Variants in SLC9A2 observed in about 807,000 individuals in gnomAD.
SLC9A2 encodes solute carrier family 9 member A2, also known as sodium/hydrogen exchanger 2.
Under a neutral mutation model 71.7 loss-of-function variants are expected in SLC9A2, and 42 were observed. That is an observed-to-expected ratio of 0.59 (90% confidence interval 0.46 to 0.76). The LOEUF (loss-of-function observed/expected upper bound fraction) is 0.76. SLC9A2 is among the 30% of genes least tolerant of loss of function. SLC9A2 has a pLI of 0.00. For missense variants in SLC9A2, 829 were observed against 1,017.4 expected, an observed-to-expected ratio of 0.81 and a Z score of 2.52; for synonymous variants, 396 against 392.5, an observed-to-expected ratio of 1.01 and a Z score of -0.10.
At chr2:102,638,308 G>A (rs1676509614) in intron 1 of SLC9A2, among the ~76,000 whole-genome samples, 1 of 152,218 alleles carries the variant, frequency 6.6e-6, no homozygotes, top group South Asian at 2.1e-4. Flanking sequence ...ATGTTTTATA[G>A]TCAAGTTAAC....
chr2:102,708,687 T>C lies in SLC9A2; in HGVS notation c.*198T>C. On this transcript the variant is annotated 3_prime_UTR_variant, in exon 12 of 12. Coordinates refer to ENST00000233969, the MANE Select transcript of SLC9A2 (RefSeq NM_003048.6). ...TCGAATAAAAAATAGTCCCACAAAATACCTTTTGTGACTAATGGGTAGCAA... is the reference window on the plus strand; with the variant it reads ...TCGAATAAAAAATAGTCCCACAAAACACCTTTTGTGACTAATGGGTAGCAA... The C allele has an allele frequency of 1.7e-6, 1 of 582,502 alleles. No homozygotes were observed. Among genetic ancestry groups the C allele is most frequent in the Non-Finnish European group, 2.9e-6 (1 of 345,656 alleles). 36.1% of individuals were successfully genotyped at this position (582,502 alleles called of 1,614,324 possible). A position where few individuals can be genotyped will look rare whatever the true frequency, so the allele number is the denominator to read the frequency against.
intron 1 of SLC9A2, among the ~76,000 whole-genome samples, chr2:102,623,266 G>A (rs1009169823): frequency 2.6e-5 from 4 of 152,170 alleles, no homozygotes; most frequent in Non-Finnish European, 4.4e-5. Flanking sequence ...CATGCAGAGA[G>A]TGGTCTGAAC....
chr2:102,694,581 T>G (rs1438990095), intron 6 of SLC9A2, 78 bp downstream of exon 6: 12 of 641,158 alleles, frequency 1.9e-5, no homozygotes, highest in Non-Finnish European at 3.1e-5. Flanking sequence ...GGTACCACGT[T>G]GTCCATTTCC....
intron 11 of SLC9A2, 104 bp downstream of exon 11, chr2:102,706,040 C>CCTGTTGTGGGGT (rs1479876800): frequency 0.013 from 526 of 42,030 alleles, 87 homozygotes; most frequent in Middle Eastern, 0.019. Flanking sequence ...TGAGTTCCGG[C>CCTGTTGTGGGGT]CGGGCGCGGT....
intron 10 of SLC9A2, among the ~76,000 whole-genome samples, chr2:102,704,947 G>A (rs1011519518): frequency 6.6e-6 from 1 of 152,248 alleles, no homozygotes; most frequent in East Asian, 1.9e-4. Flanking sequence ...GTAAATGCCA[G>A]CACTTTGGGA....
chr2:102,708,641 C>A lies in SLC9A2; in HGVS notation c.*152C>A. ...AGATTCATGCCACGGATAAATGAGG[C>A]AAATCCGAAGAAAAGGAAAATCGAA... On this transcript the variant is annotated 3_prime_UTR_variant, in exon 12 of 12. Coordinates refer to ENST00000233969, the MANE Select transcript of SLC9A2 (RefSeq NM_003048.6). 3.5e-6 allele frequency: 3 copies of A among 860,210 alleles called. No individual in the cohort carries two copies. Among genetic ancestry groups the A allele is most frequent in the Non-Finnish European group, 5.2e-6 (3 of 573,732 alleles). 53.3% of individuals were successfully genotyped at this position (860,210 alleles called of 1,614,324 possible). A position where few individuals can be genotyped will look rare whatever the true frequency, so the allele number is the denominator to read the frequency against.
At chr2:102,644,989 G>A (rs1676689630) in intron 1 of SLC9A2, among the ~76,000 whole-genome samples, 1 of 152,176 alleles carries the variant, frequency 6.6e-6, no homozygotes, top group South Asian at 2.1e-4. Context: ...CCTGACCCCC[G>A]TGGCTCCTGA....
chr2:102,620,520 G>T (rs533838413), intron 1 of SLC9A2, among the ~76,000 whole-genome samples: 1 of 152,306 alleles, frequency 6.6e-6, no homozygotes, highest in Non-Finnish European at 1.5e-5. Context: ...GCATAATGTG[G>T]TTAAAACCCT....
At chr2:102,658,145 C>A in intron 2 of SLC9A2, 118 bp downstream of exon 2, 1 of 705,822 alleles carries the variant, frequency 1.4e-6, no homozygotes, top group Non-Finnish European at 2.4e-6. Context: ...GTTTCATGAG[C>A]AATTGCCCAG....
chr2:102,698,344 C>T lies in SLC9A2; in HGVS notation c.1587-2726C>T, dbSNP rs76718295. 3.4e-3 allele frequency among the ~76,000 whole-genome samples: 524 copies of T among 152,332 alleles called. 3 individuals carry two copies. The highest frequency in any genetic ancestry group is 0.011 in the African/African-American group (471 of 41,568). On this transcript the variant is annotated intron_variant, in intron 7 of 11. Transcript: ENST00000233969. ...TGTAGGTTAACATCGATTCCTTCCA[C>T]GGCACAGGTGTGTCTATAAACCTCC...
chr2:102,708,531 G>A lies in SLC9A2; in HGVS notation c.*42G>A. 1 of 1,574,796 alleles carries A rather than the reference G, an allele frequency of 6.4e-7. No individual in the cohort carries two copies. The highest frequency in any genetic ancestry group is 2.2e-5 in the East Asian group (1 of 44,598). On this transcript the variant is annotated 3_prime_UTR_variant, in exon 12 of 12. Transcript: ENST00000233969. ...AGATCTGAGTGTCTGACCCAGGACA[G>A]CTGTGGTTTGTCACTCTGAAACCTG...
intron 1 of SLC9A2, among the ~76,000 whole-genome samples, chr2:102,640,507 G>C (rs1359915472): frequency 6.6e-6 from 1 of 152,160 alleles, no homozygotes; most frequent in East Asian, 1.9e-4. Flanking sequence ...TGCTATAATA[G>C]CTCACAGAAC....
intron 3 of SLC9A2, among the ~76,000 whole-genome samples, chr2:102,679,736 A>G (rs1477439848): frequency 6.6e-6 from 1 of 152,160 alleles, no homozygotes; most frequent in Non-Finnish European, 1.5e-5. Flanking sequence ...CATGTAATAA[A>G]CTGGAGATTA....
intron 5 of SLC9A2, among the ~76,000 whole-genome samples, chr2:102,690,022 T>C (rs1347377464): frequency 1.3e-5 from 2 of 152,164 alleles, no homozygotes; most frequent in Non-Finnish European, 1.5e-5. Context: ...GATTCCTCAA[T>C]ATATGGTTTT....
chr2:102,620,140 G>T lies in SLC9A2; in HGVS notation c.289+3G>T. The stretch of plus-strand genomic sequence containing the variant: ...GCTGGCCTCCCTGGCCAAGATTGGT[G>T]AGCGAACTGGACTTGTGGGGAATGG... On this transcript the variant is annotated splice_donor_region_variant and intron_variant, in intron 1 of 11. Transcript: ENST00000233969. 6.3e-7 allele frequency: 1 copy of T among 1,597,702 alleles called. No homozygotes were observed. Among genetic ancestry groups the T allele is most frequent in the South Asian group, 1.1e-5 (1 of 89,596 alleles).
In SLC9A2 at chr2:102,710,916, T is replaced by C. The variant is rs574712360; in HGVS notation, c.*2427T>C. On this transcript the variant is annotated 3_prime_UTR_variant, in exon 12 of 12. Coordinates refer to ENST00000233969, the MANE Select transcript of SLC9A2 (RefSeq NM_003048.6). ...AACAAAATTTGATTTGAACTACCTA[T>C]AAATGAAAAGTCGGGGTTTATTACT... 6.6e-6 allele frequency: 1 copy of C among 152,320 alleles called. No homozygotes were observed. The highest frequency in any genetic ancestry group is 2.1e-4 in the South Asian group (1 of 4,830). 9.4% of individuals were successfully genotyped at this position (152,320 alleles called of 1,614,324 possible).
At chr2:102,659,843 C>T (rs777426085) in intron 2 of SLC9A2, among the ~76,000 whole-genome samples, 5 of 152,112 alleles carry the variant, frequency 3.3e-5, no homozygotes, top group Non-Finnish European at 7.4e-5. Flanking sequence ...TTTACCCTGT[C>T]GAGGGAGACT....
intron 11 of SLC9A2, 92 bp from the exon 12 acceptor site, chr2:102,708,026 CG>C: frequency 7.5e-7 from 1 of 1,341,266 alleles, no homozygotes; most frequent in South Asian, 1.4e-5. Context: ...AGCCCCAGGA[CG>C]TATCAGTTGC....
chr2:102,679,363 A>C (rs1409956208), intron 3 of SLC9A2, among the ~76,000 whole-genome samples: 1 of 145,140 alleles, frequency 6.9e-6, no homozygotes, highest in Non-Finnish European at 1.5e-5. Context: ...TTATTCCTAC[A>C]CCAAAGCTAT....
Sources: allele counts gnomAD v4.1 joint callset (sites outside exome capture counted in the v4.1 genomes callset), GRCh38; gene constraint gnomAD v4.1.1; transcripts MANE v1.5; gene names NCBI Gene and HGNC (gene_info 2026-07-23, HGNC 2026-07-21).